Variants in MCF2L2 observed in about 807,000 individuals in gnomAD.
MCF2L2 encodes the protein probable guanine nucleotide exchange factor MCF2L2.
MCF2L2 carries 102 observed loss-of-function variants against 150.2 expected under a neutral mutation model. The ratio of observed to expected loss-of-function variants is 0.68; its 90% CI spans 0.58 to 0.80. The LOEUF is 0.80. MCF2L2 is among the 30% of genes least tolerant of loss of function. The pLI is 0.00. For missense variants in MCF2L2, 1,256 were observed against 1,372.8 expected, an observed-to-expected ratio of 0.91 and a Z score of 1.34; for synonymous variants, 465 against 491.3, an observed-to-expected ratio of 0.95 and a Z score of 0.71.
chr3:183,255,167 G>A (rs1406500409), intron 15 of MCF2L2, among the ~76,000 whole-genome samples: 1 of 152,156 alleles, frequency 6.6e-6, no homozygotes, highest in East Asian at 1.9e-4. Context: ...TCCCTGTGGG[G>A]GATGGGAGAG....
rs368518524 is a variant in MCF2L2 at position 183,213,267 on chromosome 3, GT to G, written c.2496+2701del. On this transcript the variant is annotated intron_variant, in intron 22 of 29. Transcript: ENST00000328913. ...GGATTTGAAAAAAAAAAAAACTTTT[GT>G]TTTTTTTTTGCAAATAGATAGAAGT... 2.5e-3 allele frequency among the ~76,000 whole-genome samples: 354 copies of G among 139,356 alleles called. 1 individual carries two copies. Among genetic ancestry groups the G allele is most frequent in the African/African-American group, 8.5e-3 (324 of 38,116 alleles). 91.4% of individuals were successfully genotyped at this position (139,356 alleles called of 152,430 possible).
At chr3:183,247,767 T>A (rs1376325929) in intron 15 of MCF2L2, among the ~76,000 whole-genome samples, 2 of 152,184 alleles carry the variant, frequency 1.3e-5, no homozygotes, top group African/African-American at 4.8e-5. Context: ...TTATAAGTAA[T>A]CCAGAGATTA....
chr3:183,357,446 C>T (rs1238178847), intron 3 of MCF2L2, among the ~76,000 whole-genome samples: 1 of 152,158 alleles, frequency 6.6e-6, no homozygotes, highest in African/African-American at 2.4e-5. Flanking sequence ...TGCAAAGATA[C>T]AGGTCAATCA....
intron 2 of MCF2L2, among the ~76,000 whole-genome samples, chr3:183,388,968 A>G (rs1466078406): frequency 1.3e-5 from 2 of 152,202 alleles, no homozygotes; most frequent in Non-Finnish European, 2.9e-5. Flanking sequence ...GAACAGATGT[A>G]AAAGTTGAAA....
intron 5 of MCF2L2, among the ~76,000 whole-genome samples, chr3:183,325,544 ATTCT>A (rs1329673396): frequency 6.6e-5 from 10 of 152,230 alleles, no homozygotes; most frequent in African/African-American, 2.4e-4. Context: ...AAAGGTATTT[ATTCT>A]TTCTAAAATT....
At chr3:183,317,948 A>G in intron 7 of MCF2L2, 120 bp downstream of exon 7, 2 of 1,264,688 alleles carry the variant, frequency 1.6e-6, no homozygotes, top group Non-Finnish European at 2.2e-6. Flanking sequence ...GTGGCTTCCA[A>G]GTCACTAAAG....
intron 22 of MCF2L2, among the ~76,000 whole-genome samples, chr3:183,210,539 A>G (rs924460796): frequency 3.3e-5 from 5 of 152,192 alleles, no homozygotes; most frequent in African/African-American, 7.2e-5. Flanking sequence ...ACCACGCCCT[A>G]TGATAGAAAG....
chr3:183,195,462 A>G (rs1316839160), intron 25 of MCF2L2, among the ~76,000 whole-genome samples: 15 of 151,996 alleles, frequency 9.9e-5, no homozygotes, highest in Non-Finnish European at 4.4e-5. Context: ...ATCCTCCCCA[A>G]CGTCTCTACC....
chr3:183,241,343 G>A (rs1461623905), intron 15 of MCF2L2, among the ~76,000 whole-genome samples: 1 of 152,190 alleles, frequency 6.6e-6, no homozygotes, highest in African/African-American at 2.4e-5. Context: ...ATTCTTTGGT[G>A]GGTGATATGG....
intron 14 of MCF2L2, among the ~76,000 whole-genome samples, chr3:183,285,974 C>T (rs927091784): frequency 1.3e-5 from 2 of 152,214 alleles, no homozygotes; most frequent in Admixed American, 6.5e-5. Context: ...AGTCACATCA[C>T]TATTGCCAAC....
chr3:183,328,550 G>T (rs1730144777), intron 5 of MCF2L2, among the ~76,000 whole-genome samples: 1 of 151,264 alleles, frequency 6.6e-6, no homozygotes, highest in Non-Finnish European at 1.5e-5. Flanking sequence ...CTACACATTA[G>T]TTGTCAGAAG....
At position 183,272,694 on chromosome 3, in the gene MCF2L2, G is replaced by A. The variant is rs969933436; in HGVS notation, c.1862+4178C>T. ...TTTTCTGACCAATTAAAAAAACATA[G>A]AGAACAAAAGCATATTTGACCAAGC... On this transcript the variant is annotated intron_variant, in intron 15 of 29. Transcript: ENST00000328913. 3.0e-6 allele frequency: 3 copies of A among 1,010,050 alleles called. No individual in the cohort carries two copies. In the African/African-American group the frequency reaches 5.2e-5, roughly 18 times the overall value. 62.6% of individuals were successfully genotyped at this position (1,010,050 alleles called of 1,614,324 possible).
chr3:183,214,314 A>C (rs1722836289), intron 22 of MCF2L2, among the ~76,000 whole-genome samples: 1 of 152,206 alleles, frequency 6.6e-6, no homozygotes, highest in Non-Finnish European at 1.5e-5. Context: ...TGATCCTTAT[A>C]CACACCCTAA....
At chr3:183,285,344 TGG>T (rs1207586291) in intron 14 of MCF2L2, among the ~76,000 whole-genome samples, 1 of 152,232 alleles carries the variant, frequency 6.6e-6, no homozygotes, top group Non-Finnish European at 1.5e-5. Context: ...AGCTGCTGGT[TGG>T]GTACATTAAG....
chr3:183,187,625 C>T (rs558318100), intron 27 of MCF2L2, among the ~76,000 whole-genome samples: 10 of 152,268 alleles, frequency 6.6e-5, no homozygotes, highest in Admixed American at 2.0e-4. Flanking sequence ...TGCGCCACCA[C>T]GCCCAGCCAA....
intron 3 of MCF2L2, among the ~76,000 whole-genome samples, chr3:183,365,226 T>A (rs1325057124): frequency 6.6e-6 from 1 of 152,214 alleles, no homozygotes; most frequent in Admixed American, 6.5e-5. Flanking sequence ...TTCTTTTTGA[T>A]AGGATGATTT....
chr3:183,253,862 G>A (rs1333873843), intron 15 of MCF2L2: 1 of 152,254 alleles, frequency 6.6e-6, no homozygotes, highest in East Asian at 1.9e-4. Flanking sequence ...GCTGTGCCGC[G>A]GCCGCATCTT....
intron 21 of MCF2L2, among the ~76,000 whole-genome samples, chr3:183,216,762 G>C (rs1188599307): frequency 3.3e-5 from 5 of 149,672 alleles, no homozygotes; most frequent in Admixed American, 6.7e-5. Context: ...GCGCCACCAT[G>C]CCTGGCTAAT....
chr3:183,368,101 G>A (rs1187685030), intron 3 of MCF2L2, among the ~76,000 whole-genome samples: 2 of 152,144 alleles, frequency 1.3e-5, no homozygotes, highest in African/African-American at 4.8e-5. Flanking sequence ...CTGTAAATGA[G>A]CTTGGACTAG....
Sources: gnomAD v4.1 joint callset for allele counts (sites outside exome capture counted in the v4.1 genomes callset) on GRCh38, gnomAD v4.1.1 for gene constraint, MANE v1.5 for transcripts, NCBI Gene and HGNC (gene_info 2026-07-23, HGNC 2026-07-21) for gene names.